ZNF274: variants seen among roughly 807,000 people sequenced by gnomAD.
The protein encoded by ZNF274 is zinc finger protein 274.
ZNF274 carries 23 observed loss-of-function variants against 42.5 expected under a neutral mutation model. The observed-to-expected ratio is 0.54, with a 90% CI of 0.39 to 0.77. ZNF274 has a LOEUF of 0.77. Ranked by LOEUF, ZNF274 falls within the 30% of genes least tolerant of loss-of-function variation. The probability of loss-of-function intolerance (pLI) is 0.00; values close to 1 mark genes in which losing one functional copy is unlikely to be tolerated. For synonymous variants in ZNF274, 292 were observed against 305.4 expected (o/e 0.96, Z 0.46); for missense variants, 679 against 806.5 (o/e 0.84, Z 1.91).
intron 4 of ZNF274, among the ~76,000 whole-genome samples, chr19:58,199,808 ATAAAT>A (rs1190062716): frequency 7.2e-5 from 11 of 152,400 alleles, no homozygotes; most frequent in Non-Finnish European, 1.5e-4. Flanking sequence ...ATACCAAAGA[ATAAAT>A]TATTAAAGAA....
intron 6 of ZNF274, 32 bp downstream of exon 6, chr19:58,210,105 C>T: frequency 1.9e-6 from 3 of 1,589,732 alleles, no homozygotes; most frequent in Non-Finnish European, 1.7e-6. Context: ...GTTTTGGTCA[C>T]AGCATCTCCT....
In ZNF274 at chr19:58,185,538, T is replaced by C. The variant is rs559678649; in HGVS notation, c.34-174T>C. On this transcript the variant is annotated intron_variant, in intron 2 of 7. Coordinates refer to ENST00000617501, the MANE Select transcript of ZNF274 (RefSeq NM_133502.3). ...TATTGTAACCTGAATAGAGTCAAGC[T>C]TGGGTTTGCTTGGGGTTTCAGACAA... 29 of 467,400 alleles carry C rather than the reference T, an allele frequency of 6.2e-5. No homozygotes were observed. In the Admixed American group the frequency reaches 1.1e-3, roughly 17 times the overall value. The allele number at this position is 467,400 out of a possible 1,614,324, so 29.0% of individuals were successfully genotyped here.
intron 4 of ZNF274, among the ~76,000 whole-genome samples, chr19:58,201,908 C>A (rs537822744): frequency 2.0e-5 from 3 of 152,122 alleles, no homozygotes; most frequent in African/African-American, 7.2e-5. Flanking sequence ...AACTGAGTAA[C>A]GTAAAGATGA....
chr19:58,194,466 C>T (rs185356807), intron 4 of ZNF274, among the ~76,000 whole-genome samples: 132 of 148,670 alleles, frequency 8.9e-4, no homozygotes, highest in African/African-American at 3.0e-3. Context: ...GCAACCTCCA[C>T]CTCCCAGGTT....
intron 4 of ZNF274, among the ~76,000 whole-genome samples, chr19:58,200,268 A>AC (rs1239246976): frequency 1.3e-5 from 2 of 152,192 alleles, no homozygotes; most frequent in Non-Finnish European, 2.9e-5. Flanking sequence ...CCTCAATTGC[A>AC]CTGGGCACCT....
intron 4 of ZNF274, among the ~76,000 whole-genome samples, chr19:58,187,619 T>C (rs1018770243): frequency 6.6e-6 from 1 of 152,206 alleles, no homozygotes; most frequent in African/African-American, 2.4e-5. Context: ...TGTTTCACCA[T>C]GTTGCCCAGG....
Position 58,185,852 on chromosome 19 carries a change from C to T in ZNF274, c.160+14C>T. On this transcript the variant is annotated intron_variant, in intron 3 of 7. Transcript: ENST00000617501. The stretch of plus-strand genomic sequence containing the variant: ...TGGTCTCAGTGGGTAAGGCTGGCCT[C>T]CAGGTCAAGAAGGATCTGTGCTTTG... 7.3e-7 allele frequency: 1 copy of T among 1,360,734 alleles called. No individual in the cohort carries two copies. Among genetic ancestry groups the T allele is most frequent in the Non-Finnish European group, 9.6e-7 (1 of 1,045,840 alleles). The allele number at this position is 1,360,734 out of a possible 1,614,324, so 84.3% of individuals were successfully genotyped here.
intron 4 of ZNF274, among the ~76,000 whole-genome samples, chr19:58,187,811 C>T (rs776254085): frequency 2.0e-5 from 3 of 152,134 alleles, no homozygotes; most frequent in Non-Finnish European, 4.4e-5. Flanking sequence ...CTGCAACCTC[C>T]GCCTCCTGGG....
At chr19:58,186,637 T>G (rs1434188381) in intron 3 of ZNF274, among the ~76,000 whole-genome samples, 3 of 151,898 alleles carry the variant, frequency 2.0e-5, no homozygotes, top group African/African-American at 7.3e-5. Context: ...GCATTGCATC[T>G]GTGTTCAAGG....
intron 5 of ZNF274, chr19:58,209,278 C>G (rs2076011951): frequency 6.6e-6 from 1 of 152,246 alleles, no homozygotes; most frequent in Non-Finnish European, 1.5e-5. Context: ...GATCTAATCA[C>G]TGTGGCCAAG....
At chr19:58,192,340 C>A (rs970568279) in intron 4 of ZNF274, among the ~76,000 whole-genome samples, 2 of 152,094 alleles carry the variant, frequency 1.3e-5, no homozygotes, top group African/African-American at 4.8e-5. Flanking sequence ...CTTGGTAATA[C>A]CTGCTAACAT....
In ZNF274 at chr19:58,212,438, C is replaced by T; in HGVS notation, c.1257C>T (p.Leu419=). The part of the protein sequence containing the change: ...SGALDTNQVS[L]QKIDNPESQA... ...CTCTTGACACAAACCAAGTTTCGCTCCAGAAAATTGACAACCCTGAGTCCC... is the reference window on the plus strand; with the variant it reads ...CTCTTGACACAAACCAAGTTTCGCTTCAGAAAATTGACAACCCTGAGTCCC... The change falls in exon 8 of 8, where the codon CTC becomes CTT. Residue 419 remains leucine (L), a synonymous_variant. Coordinates refer to ENST00000617501, the MANE Select transcript of ZNF274 (RefSeq NM_133502.3). This position sits in a 1 kb window ranked among gnomAD's most constrained non-coding sequence, Gnocchi z 4.6. 1 of 1,612,732 alleles carries T rather than the reference C, an allele frequency of 6.2e-7. No homozygotes were observed. The highest frequency in any genetic ancestry group is 2.2e-5 in the East Asian group (1 of 44,880).
intron 4 of ZNF274, among the ~76,000 whole-genome samples, chr19:58,188,620 A>AAT (rs60934983): frequency 0.037 from 2,587 of 69,994 alleles, 55 homozygotes; most frequent in South Asian, 0.051. Flanking sequence ...AAAAAAAAAA[A>AAT]ATATATATAT....
chr19:58,198,323 A>T (rs2075867531), intron 4 of ZNF274, among the ~76,000 whole-genome samples: 1 of 152,232 alleles, frequency 6.6e-6, no homozygotes, highest in Non-Finnish European at 1.5e-5. Context: ...TGTTACAAAG[A>T]ATGAGCAACC....
rs535269201 is a variant in ZNF274 at position 58,211,294 on chromosome 19, C to T, written c.853-266C>T. 5 of 347,378 alleles carry T rather than the reference C, an allele frequency of 1.4e-5. No homozygotes were observed. Among genetic ancestry groups the T allele is most frequent in the Admixed American group, 4.6e-5 (1 of 21,612 alleles). 21.5% of individuals were successfully genotyped at this position (347,378 alleles called of 1,614,324 possible). On this transcript the variant is annotated intron_variant, in intron 6 of 7. Transcript: ENST00000617501. The surrounding 1 kb of genome is among the most constrained non-coding windows in gnomAD (Gnocchi z 4.8). ...CAGCAATGGGCAAGCTGGATAGAGC[C>T]GTGGTTAGGATGGAGTTGTTTGCTT... is the stretch of plus-strand genomic sequence containing the variant.
At chr19:58,193,436 G>A (rs1010242467) in intron 4 of ZNF274, among the ~76,000 whole-genome samples, 28 of 138,762 alleles carry the variant, frequency 2.0e-4, no homozygotes, top group African/African-American at 3.8e-4. Flanking sequence ...GTGAGCCACC[G>A]CGCCTGGCCT....
At chr19:58,203,225 C>CT (rs2075936164) in intron 4 of ZNF274, among the ~76,000 whole-genome samples, 1 of 152,092 alleles carries the variant, frequency 6.6e-6, no homozygotes, top group Non-Finnish European at 1.5e-5. Context: ...GCACTTAGTC[C>CT]GGTGCTGCTG....
intron 1 of ZNF274, 198 bp from the exon 2 acceptor site, chr19:58,183,723 A>C: frequency 2.0e-6 from 1 of 499,426 alleles, no homozygotes; most frequent in African/African-American, 1.9e-5. Context: ...GGGACAGAGG[A>C]GGCTCGGTGT....
At chr19:58,188,688 GTATATGTATATATATATATATATATA>G (rs1468202278) in intron 4 of ZNF274, among the ~76,000 whole-genome samples, 1 of 52,982 alleles carries the variant, frequency 1.9e-5, no homozygotes, top group Non-Finnish European at 3.4e-5. Context: ...ATATATATAT[GTATATGTATATATATATATATATATA>G]TATATATATA....
Sources: gnomAD v4.1 joint callset for allele counts (sites outside exome capture counted in the v4.1 genomes callset) on GRCh38, gnomAD v4.1.1 for gene constraint, Gnocchi (gnomAD v3.1) non-coding constraint, MANE v1.5 for transcripts, NCBI Gene and HGNC (gene_info 2026-07-23, HGNC 2026-07-21) for gene names.